CDH12: variants seen among roughly 807,000 people sequenced by gnomAD.
CDH12 encodes the protein cadherin 12, also known as cadherin-12.
CDH12 carries 41 observed loss-of-function variants against 74.1 expected under a neutral mutation model. The ratio of observed to expected loss-of-function variants is 0.55; its 90% CI spans 0.43 to 0.72. The LOEUF is 0.72. Among genes scored for constraint, CDH12 ranks in the 30% least tolerant of loss-of-function variants. The pLI is 0.00. For missense variants in CDH12, 945 were observed against 977.2 expected (o/e 0.97, Z 0.44); for synonymous variants, 399 against 355.0 (o/e 1.12, Z -1.39).
At chr5:22,597,017 C>T (rs995911570) in intron 1 of CDH12, among the ~76,000 whole-genome samples, 1 of 152,110 alleles carries the variant, frequency 6.6e-6, no homozygotes, top group Non-Finnish European at 1.5e-5. Context: ...ATGATCCTCA[C>T]CAAGGTTGGA....
intron 4 of CDH12, among the ~76,000 whole-genome samples, chr5:22,140,748 C>G (rs1338659072): frequency 1.3e-5 from 2 of 152,118 alleles, no homozygotes; most frequent in Non-Finnish European, 2.9e-5. Context: ...GGAGAGTCCC[C>G]TTGGATTTAG....
intron 3 of CDH12, among the ~76,000 whole-genome samples, chr5:22,343,951 G>A (rs968262529): frequency 6.6e-6 from 1 of 152,068 alleles, no homozygotes; most frequent in Non-Finnish European, 1.5e-5. Context: ...TTTTATTTAG[G>A]ATAACAAGCT....
At chr5:22,567,621 CTT>C (rs1739350613) in intron 1 of CDH12, among the ~76,000 whole-genome samples, 1 of 147,586 alleles carries the variant, frequency 6.8e-6, no homozygotes, top group South Asian at 2.1e-4. Context: ...ATTTTGGTCT[CTT>C]TTGTTATAAT....
At chr5:22,790,018 T>G (rs1036805799) in intron 1 of CDH12, among the ~76,000 whole-genome samples, 3 of 151,702 alleles carry the variant, frequency 2.0e-5, no homozygotes, top group Admixed American at 2.0e-4. Flanking sequence ...AGAATAGGAG[T>G]TTCTAAACTT....
rs1229624105 is a variant in CDH12 at position 22,008,949 on chromosome 5, C to T, written c.232-33564G>A. Among the ~76,000 whole-genome samples, 10 of 152,184 alleles carry T rather than the reference C, an allele frequency of 6.6e-5. 1 individual carries two copies. Among genetic ancestry groups the T allele is most frequent in the Admixed American group, 5.9e-4 (9 of 15,274 alleles). ...GATTATCTTCCATCCTCTTCTATGG[C>T]GTAGAACTTGCTTAATTTTTTGAAT... On this transcript the variant is annotated intron_variant, in intron 5 of 14. Transcript: ENST00000382254.
intron 3 of CDH12, among the ~76,000 whole-genome samples, chr5:22,306,085 C>T (rs1250051824): frequency 6.6e-6 from 1 of 152,108 alleles, no homozygotes; most frequent in Non-Finnish European, 1.5e-5. Flanking sequence ...TCTTTAATGT[C>T]TTTATACTTT....
intron 1 of CDH12, among the ~76,000 whole-genome samples, chr5:22,627,291 G>A (rs1738349406): frequency 6.6e-6 from 1 of 152,040 alleles, no homozygotes; most frequent in Non-Finnish European, 1.5e-5. Context: ...GTAGTCATCA[G>A]ATTCTCCAAG....
At chr5:22,008,522 C>A (rs1452528272) in intron 5 of CDH12, among the ~76,000 whole-genome samples, 1 of 152,154 alleles carries the variant, frequency 6.6e-6, no homozygotes, top group Non-Finnish European at 1.5e-5. Context: ...AGCCACTGCA[C>A]CCGACTTACA....
chr5:22,456,236 CTA>C (rs1313147663), intron 2 of CDH12, among the ~76,000 whole-genome samples: 22 of 86,220 alleles, frequency 2.6e-4, no homozygotes, highest in African/African-American at 4.3e-4. Context: ...AATGTTTTGT[CTA>C]TATATATGTG....
intron 6 of CDH12, among the ~76,000 whole-genome samples, chr5:21,936,693 C>T (rs1169451454): frequency 6.6e-6 from 1 of 152,006 alleles, no homozygotes; most frequent in Non-Finnish European, 1.5e-5. Flanking sequence ...GTGACCCCAC[C>T]CAAATCTCAA....
At chr5:22,039,586 AT>A (rs1739428570) in intron 5 of CDH12, among the ~76,000 whole-genome samples, 1 of 152,092 alleles carries the variant, frequency 6.6e-6, no homozygotes, top group Non-Finnish European at 1.5e-5. Context: ...AAATATTCCC[AT>A]TTTGGATAAA....
intron 6 of CDH12, among the ~76,000 whole-genome samples, chr5:21,901,835 C>T (rs1753400704): frequency 6.6e-6 from 1 of 152,146 alleles, no homozygotes; most frequent in African/African-American, 2.4e-5. Context: ...GTTTTCCAAA[C>T]ATCAGTCATT....
At chr5:22,131,254 T>C (rs551244093) in intron 4 of CDH12, among the ~76,000 whole-genome samples, 1 of 152,168 alleles carries the variant, frequency 6.6e-6, no homozygotes, top group South Asian at 2.1e-4. Flanking sequence ...ACATCTGGAA[T>C]TCGGCATTGG....
At chr5:22,154,883 G>C (rs1316712547) in intron 4 of CDH12, among the ~76,000 whole-genome samples, 2 of 151,964 alleles carry the variant, frequency 1.3e-5, no homozygotes, top group African/African-American at 4.8e-5. Context: ...AGGCTATCAG[G>C]GTGCTGGCCA....
chr5:22,324,212 A>T (rs1448576156), intron 3 of CDH12, among the ~76,000 whole-genome samples: 1 of 152,130 alleles, frequency 6.6e-6, no homozygotes, highest in Non-Finnish European at 1.5e-5. Flanking sequence ...GGCAATTTTT[A>T]CTAAAATTAC....
intron 1 of CDH12, among the ~76,000 whole-genome samples, chr5:22,637,425 T>C (rs1272527495): frequency 1.3e-5 from 2 of 152,152 alleles, no homozygotes; most frequent in African/African-American, 4.8e-5. Flanking sequence ...CTTACACGGG[T>C]GATGATCACT....
At chr5:22,240,627 A>G (rs1752714465) in intron 3 of CDH12, among the ~76,000 whole-genome samples, 1 of 152,134 alleles carries the variant, frequency 6.6e-6, no homozygotes, top group Non-Finnish European at 1.5e-5. Flanking sequence ...TCTGCCTCCC[A>G]GCTTCAACTG....
chr5:22,738,692 A>G (rs1288790739), intron 1 of CDH12, among the ~76,000 whole-genome samples: 2 of 152,060 alleles, frequency 1.3e-5, no homozygotes, highest in African/African-American at 4.8e-5. Flanking sequence ...TTTACCACAA[A>G]TATGCTAAAA....
chr5:22,308,613 G>T (rs1003136938), intron 3 of CDH12, among the ~76,000 whole-genome samples: 1 of 152,112 alleles, frequency 6.6e-6, no homozygotes, highest in Non-Finnish European at 1.5e-5. Context: ...TACAAATTAT[G>T]TAAATTGAAT....
Sources: gnomAD v4.1 joint callset for allele counts (sites outside exome capture counted in the v4.1 genomes callset) on GRCh38, gnomAD v4.1.1 for gene constraint, MANE v1.5 for transcripts, NCBI Gene and HGNC (gene_info 2026-07-23, HGNC 2026-07-21) for gene names.